The following KHDRBS2 variants were observed in gnomAD, a reference collection of about 807,000 sequenced individuals.
KHDRBS2 encodes the protein KH RNA binding domain containing, signal transduction associated 2.
In KHDRBS2, 26 loss-of-function variants were observed where a neutral mutation model predicts 44.3. The ratio of observed to expected loss-of-function variants is 0.59; its 90% CI spans 0.43 to 0.81. The LOEUF (loss-of-function observed/expected upper bound fraction) is 0.81. KHDRBS2 is among the 40% of genes least tolerant of loss of function. The pLI is 0.00. For synonymous variants in KHDRBS2, 194 were observed against 151.1 expected (o/e 1.28, Z -2.08); for missense variants, 476 against 433.1 (o/e 1.10, Z -0.88).
chr6:61,665,493 T>C, the KHDRBS2 span, among the ~76,000 whole-genome samples: 2 of 151,416 alleles, frequency 1.3e-5, no homozygotes, highest in African/African-American at 4.8e-5. Flanking sequence ...CAATAGATAA[T>C]ACTTATTTCT....
intron 6 of KHDRBS2, among the ~76,000 whole-genome samples, chr6:61,779,582 G>C (rs1342286686): frequency 6.6e-6 from 1 of 152,082 alleles, no homozygotes; most frequent in African/African-American, 2.4e-5. Context: ...AACAATATTT[G>C]ATCAGAAAAT....
intron 6 of KHDRBS2, among the ~76,000 whole-genome samples, chr6:61,815,457 C>T (rs753493501): frequency 1.3e-5 from 2 of 152,132 alleles, no homozygotes; most frequent in Admixed American, 6.6e-5. Flanking sequence ...TTTTTACCCA[C>T]AAGTACAAGG....
chr6:61,731,115 A>T (rs1447895825), intron 7 of KHDRBS2, among the ~76,000 whole-genome samples: 3 of 152,100 alleles, frequency 2.0e-5, no homozygotes, highest in East Asian at 1.9e-4. Context: ...TAGTTATGGA[A>T]CTTTGTTATC....
intron 4 of KHDRBS2, among the ~76,000 whole-genome samples, chr6:61,930,735 TAA>T (rs1315635890): frequency 2.2e-5 from 1 of 44,532 alleles, no homozygotes; most frequent in Non-Finnish European, 5.5e-5. Context: ...CTAATCAATA[TAA>T]GTCAACATAA....
intron 6 of KHDRBS2, among the ~76,000 whole-genome samples, chr6:61,788,255 G>T (rs907631734): frequency 6.6e-6 from 1 of 151,466 alleles, no homozygotes; most frequent in African/African-American, 2.4e-5. Context: ...CATGACTAAT[G>T]AAAGAAATAT....
intron 6 of KHDRBS2, among the ~76,000 whole-genome samples, chr6:61,869,981 T>TTTTTTG (rs1798420506): frequency 6.8e-6 from 1 of 147,158 alleles, no homozygotes; most frequent in Non-Finnish European, 1.5e-5. Flanking sequence ...TTTTTTTTTT[T>TTTTTTG]TTTTTTCCCC....
intron 1 of KHDRBS2, among the ~76,000 whole-genome samples, chr6:62,204,873 T>TA (rs569226960): frequency 0.012 from 1,820 of 149,550 alleles, 17 homozygotes; most frequent in African/African-American, 0.034. Context: ...TGTATTTTGT[T>TA]AAAAAAAAAA....
chr6:62,278,867 G>A (rs1841382907), intron 1 of KHDRBS2, among the ~76,000 whole-genome samples: 1 of 152,142 alleles, frequency 6.6e-6, no homozygotes, highest in African/African-American at 2.4e-5. Flanking sequence ...GGCCGAGGTG[G>A]GCGGATCACG....
chr6:62,020,607 T>C (rs1417583815), intron 3 of KHDRBS2, among the ~76,000 whole-genome samples: 2 of 152,024 alleles, frequency 1.3e-5, no homozygotes, highest in Non-Finnish European at 2.9e-5. Flanking sequence ...TTGCTTCATG[T>C]ACTTTGTGGC....
intron 3 of KHDRBS2, among the ~76,000 whole-genome samples, chr6:61,996,394 A>G (rs996172407): frequency 2.6e-5 from 4 of 152,212 alleles, no homozygotes; most frequent in African/African-American, 9.6e-5. Context: ...AACACTATTT[A>G]AATCTCTCTC....
chr6:61,768,387 T>A (rs79053199), intron 6 of KHDRBS2, among the ~76,000 whole-genome samples: 2,273 of 152,264 alleles, frequency 0.015, 31 homozygotes, highest in Middle Eastern at 0.024. Flanking sequence ...CCTTAAATAT[T>A]GATATATTTC....
intron 1 of KHDRBS2, among the ~76,000 whole-genome samples, chr6:62,261,530 T>G (rs1194681631): frequency 6.6e-6 from 1 of 151,896 alleles, no homozygotes; most frequent in African/African-American, 2.4e-5. Flanking sequence ...ATACTATTTA[T>G]GTAGTATAAA....
At chr6:61,584,018 C>T in the KHDRBS2 span, among the ~76,000 whole-genome samples, 2 of 151,698 alleles carry the variant, frequency 1.3e-5, no homozygotes, top group South Asian at 2.1e-4. Flanking sequence ...TTTTTCATTG[C>T]TAGCATACAT....
At chr6:62,107,921 T>A (rs1019582461) in intron 2 of KHDRBS2, among the ~76,000 whole-genome samples, 18 of 152,108 alleles carry the variant, frequency 1.2e-4, no homozygotes, top group Admixed American at 4.6e-4. Context: ...ATCCCTTCCT[T>A]ACACCTTATA....
chr6:62,041,714 T>C (rs1168970535), intron 3 of KHDRBS2, among the ~76,000 whole-genome samples: 1 of 152,120 alleles, frequency 6.6e-6, no homozygotes, highest in Non-Finnish European at 1.5e-5. Flanking sequence ...GGAGCAGGTC[T>C]TAATTACAAA....
At chr6:62,032,529 CATATATATACATATATATT>C (rs1784542068) in intron 3 of KHDRBS2, among the ~76,000 whole-genome samples, 1 of 148,860 alleles carries the variant, frequency 6.7e-6, no homozygotes, top group South Asian at 2.1e-4. Flanking sequence ...CATATATATT[CATATATATACATATATATT>C]ATATATATGT....
intron 3 of KHDRBS2, among the ~76,000 whole-genome samples, chr6:62,046,274 C>T (rs1163077484): frequency 1.3e-5 from 2 of 151,818 alleles, no homozygotes; most frequent in African/African-American, 4.8e-5. Context: ...ACTTTATGAA[C>T]AGGAAAAAAT....
chr6:61,710,697 T>C (rs906006064), intron 7 of KHDRBS2, among the ~76,000 whole-genome samples: 1 of 150,910 alleles, frequency 6.6e-6, no homozygotes, highest in South Asian at 2.1e-4. Flanking sequence ...GTGTTATGTA[T>C]TTACCCACCC....
At chr6:62,195,179 T>C (rs2150134037) in intron 1 of KHDRBS2, among the ~76,000 whole-genome samples, 1 of 152,308 alleles carries the variant, frequency 6.6e-6, no homozygotes, top group South Asian at 2.1e-4. Context: ...ATTTTCTCCT[T>C]TGATGCTATT....
Sources: gnomAD v4.1 joint callset for allele counts (sites outside exome capture counted in the v4.1 genomes callset) on GRCh38, gnomAD v4.1.1 for gene constraint, MANE v1.5 for transcripts, NCBI Gene and HGNC (gene_info 2026-07-23, HGNC 2026-07-21) for gene names.